TENM3: variants seen among roughly 807,000 people sequenced by gnomAD.
TENM3 encodes the protein teneurin transmembrane protein 3, also known as teneurin-3.
TENM3 carries 63 observed loss-of-function variants against 255.1 expected under a neutral mutation model. The ratio of observed to expected loss-of-function variants is 0.25; its 90% CI spans 0.20 to 0.30. The LOEUF (loss-of-function observed/expected upper bound fraction) is 0.30, where lower values mean the gene tolerates loss of function less well. Ranked by LOEUF, TENM3 falls within the 10% of genes least tolerant of loss-of-function variation. TENM3 has a pLI of 1.00. For synonymous variants in TENM3, 1,306 were observed against 1,322.3 expected (o/e 0.99, Z 0.27); for missense variants, 2,929 against 3,461.1 (o/e 0.85, Z 3.86).
chr4:182,332,761 CA>C (rs2150562252), intron 2 of TENM3, among the ~76,000 whole-genome samples: 1 of 148,190 alleles, frequency 6.7e-6, no homozygotes, highest in African/African-American at 2.5e-5. Context: ...GAAAATAAAT[CA>C]GAGGAAGTAG....
chr4:182,592,960 A>C (rs774427035), intron 3 of TENM3, among the ~76,000 whole-genome samples: 11 of 152,246 alleles, frequency 7.2e-5, no homozygotes, highest in Non-Finnish European at 1.3e-4. Flanking sequence ...ATGTTCGTCA[A>C]GTTCAACAAT....
chr4:181,821,361 T>C, the TENM3 span, among the ~76,000 whole-genome samples: 3,851 of 152,300 alleles, frequency 0.025, 81 homozygotes, highest in Middle Eastern at 0.099. Flanking sequence ...TCCCCTTTGG[T>C]GTTTTGTCAC....
At chr4:182,783,843 C>T (rs1244389535) in intron 24 of TENM3, among the ~76,000 whole-genome samples, 17 of 151,898 alleles carry the variant, frequency 1.1e-4, no homozygotes, top group African/African-American at 2.2e-4. Flanking sequence ...TCCAGTTGAT[C>T]GCATCGGCTC....
chr4:181,689,453 G>A, the TENM3 span, among the ~76,000 whole-genome samples: 2 of 152,290 alleles, frequency 1.3e-5, no homozygotes, highest in East Asian at 3.9e-4. Context: ...GTGGGCACAG[G>A]AAGTAAAGGA....
chr4:182,610,381 A>G (rs1748876287), intron 4 of TENM3, among the ~76,000 whole-genome samples: 1 of 152,218 alleles, frequency 6.6e-6, no homozygotes, highest in South Asian at 2.1e-4. Flanking sequence ...ATTTAAAATC[A>G]TAAAGATTAT....
chr4:181,615,598 C>T, the TENM3 span, among the ~76,000 whole-genome samples: 1 of 152,120 alleles, frequency 6.6e-6, no homozygotes, highest in African/African-American at 2.4e-5. Context: ...ATCAAACATC[C>T]AATATAGTAA....
the TENM3 span, chr4:181,522,813 G>T: frequency 1.1e-6 from 1 of 883,312 alleles, no homozygotes; most frequent in Non-Finnish European, 1.9e-6. Context: ...AATTTATTAT[G>T]TTGATAGAAA....
the TENM3 span, among the ~76,000 whole-genome samples, chr4:182,062,876 A>C: frequency 7.9e-5 from 12 of 152,334 alleles, no homozygotes; most frequent in South Asian, 2.5e-3. Context: ...TTGTCTTTAA[A>C]AAATGAAGAA....
At chr4:182,426,294 G>A (rs1012194280) in intron 3 of TENM3, among the ~76,000 whole-genome samples, 1 of 152,126 alleles carries the variant, frequency 6.6e-6, no homozygotes, top group African/African-American at 2.4e-5. Flanking sequence ...AAGAACCACT[G>A]AGAATGTAGT....
intron 6 of TENM3, among the ~76,000 whole-genome samples, chr4:182,671,171 A>G (rs1392678899): frequency 6.6e-6 from 1 of 151,996 alleles, no homozygotes; most frequent in Non-Finnish European, 1.5e-5. Context: ...GATGCACCAA[A>G]CCTCATGGAA....
At chr4:182,140,125 A>G (rs1749291480), upstream of TENM3, among the ~76,000 whole-genome samples, 1 of 152,194 alleles carries the variant, frequency 6.6e-6, no homozygotes, top group Non-Finnish European at 1.5e-5. Flanking sequence ...CCCAATAATA[A>G]CTTTGTCTAC....
chr4:181,803,210 T>C, the TENM3 span, among the ~76,000 whole-genome samples: 1 of 152,186 alleles, frequency 6.6e-6, no homozygotes, highest in Admixed American at 6.5e-5. Flanking sequence ...ACAATCTCCA[T>C]CAGTGACAAC....
intron 4 of TENM3, among the ~76,000 whole-genome samples, chr4:182,614,055 C>T (rs1010882262): frequency 3.9e-5 from 6 of 152,272 alleles, no homozygotes; most frequent in East Asian, 1.9e-4. Context: ...CACTAACTCA[C>T]GGTGTCACAG....
the TENM3 span, among the ~76,000 whole-genome samples, chr4:181,659,346 T>A: frequency 6.6e-6 from 1 of 152,180 alleles, no homozygotes; most frequent in African/African-American, 2.4e-5. Flanking sequence ...ACTTTCTTAA[T>A]AAACTTGCTT....
intron 3 of TENM3, among the ~76,000 whole-genome samples, chr4:182,405,793 G>C (rs1411032546): frequency 2.6e-5 from 4 of 152,128 alleles, no homozygotes; most frequent in Non-Finnish European, 5.9e-5. Flanking sequence ...AAGAATGAAG[G>C]GAAGGCATAT....
chr4:182,270,305 C>T (rs979104131), intron 1 of TENM3, among the ~76,000 whole-genome samples: 5 of 152,140 alleles, frequency 3.3e-5, no homozygotes, highest in Non-Finnish European at 7.4e-5. Context: ...TTTACAGGTT[C>T]ATTTAAGAAT....
At chr4:181,755,779 ATG>A in the TENM3 span, among the ~76,000 whole-genome samples, 32 of 152,096 alleles carry the variant, frequency 2.1e-4, no homozygotes, top group Middle Eastern at 6.8e-3. Flanking sequence ...ATAGACTACT[ATG>A]TGTTTGTAAG....
chr4:181,533,853 C>T, the TENM3 span, among the ~76,000 whole-genome samples: 160 of 152,258 alleles, frequency 1.1e-3, no homozygotes, highest in African/African-American at 3.6e-3. Flanking sequence ...CATAAACTCC[C>T]ATCTTGGGTT....
At chr4:182,677,024 C>G (rs1324152461) in intron 7 of TENM3, among the ~76,000 whole-genome samples, 1 of 152,208 alleles carries the variant, frequency 6.6e-6, no homozygotes, top group Non-Finnish European at 1.5e-5. Flanking sequence ...GCATCTCCAT[C>G]TTAGAAATAT....
Sources: allele counts gnomAD v4.1 joint callset (sites outside exome capture counted in the v4.1 genomes callset), GRCh38; gene constraint gnomAD v4.1.1; transcripts MANE v1.5; gene names NCBI Gene and HGNC (gene_info 2026-07-23, HGNC 2026-07-21).